PTPRD: variants seen among roughly 807,000 people sequenced by gnomAD.
PTPRD encodes protein tyrosine phosphatase receptor type D, also known as receptor-type tyrosine-protein phosphatase delta.
PTPRD carries 34 observed loss-of-function variants against 214.5 expected under a neutral mutation model. That is an observed-to-expected ratio of 0.16 (90% confidence interval 0.12 to 0.21). PTPRD has a LOEUF of 0.21. Among genes scored for constraint, PTPRD ranks in the 10% least tolerant of loss-of-function variants. The probability of loss-of-function intolerance (pLI) is 1.00; values close to 1 mark genes in which losing one functional copy is unlikely to be tolerated. For synonymous variants in PTPRD, 1,128 were observed against 845.7 expected (o/e 1.33, Z -5.79); for missense variants, 2,545 against 2,398.7 (o/e 1.06, Z -1.27).
chr9:8,811,075 A>C (rs1396130574), intron 11 of PTPRD, among the ~76,000 whole-genome samples: 3 of 152,226 alleles, frequency 2.0e-5, no homozygotes, highest in Non-Finnish European at 4.4e-5. Context: ...CTGTGAGTGA[A>C]ATCGAAGTTG....
At chr9:10,103,510 T>C (rs114244308) in intron 3 of PTPRD, among the ~76,000 whole-genome samples, 193 of 150,794 alleles carry the variant, frequency 1.3e-3, no homozygotes, top group African/African-American at 4.6e-3. Context: ...TGGAGCAAAA[T>C]GGAAACTACC....
intron 9 of PTPRD, among the ~76,000 whole-genome samples, chr9:9,192,464 G>C (rs1223626828): frequency 6.6e-6 from 1 of 152,070 alleles, no homozygotes; most frequent in African/African-American, 2.4e-5. Context: ...GTTTTTACAT[G>C]TTTGAAGTCA....
intron 13 of PTPRD, 69 bp from the exon 14 acceptor site, chr9:8,633,527 T>G: frequency 6.4e-7 from 1 of 1,550,596 alleles, no homozygotes; most frequent in Non-Finnish European, 8.8e-7. Flanking sequence ...AAGCTCTCAA[T>G]ACAGTGGTGG....
At chr9:8,328,490 T>C (rs1022371970) in intron 44 of PTPRD, among the ~76,000 whole-genome samples, 10 of 152,132 alleles carry the variant, frequency 6.6e-5, no homozygotes, top group Non-Finnish European at 1.0e-4. Context: ...TGATGATTCA[T>C]TGTGTGTCTT....
intron 2 of PTPRD, among the ~76,000 whole-genome samples, chr9:10,579,658 T>C (rs1244758261): frequency 6.6e-6 from 1 of 152,202 alleles, no homozygotes; most frequent in Admixed American, 6.5e-5. Context: ...GGTCAAATAA[T>C]AGTTCTAAGT....
chr9:8,349,047 TA>T (rs35636652), intron 39 of PTPRD, among the ~76,000 whole-genome samples: 39,826 of 150,844 alleles, frequency 0.26, 6,361 homozygotes, highest in Admixed American at 0.41. Flanking sequence ...ACAAAATTTA[TA>T]AAAAAAAAAA....
intron 2 of PTPRD, among the ~76,000 whole-genome samples, chr9:10,366,796 G>A (rs544777537): frequency 3.3e-5 from 5 of 152,094 alleles, no homozygotes; most frequent in South Asian, 2.1e-4. Flanking sequence ...ATACATACGT[G>A]CACTAAAAAA....
chr9:10,284,033 A>G (rs2095254203), intron 3 of PTPRD, among the ~76,000 whole-genome samples: 1 of 152,106 alleles, frequency 6.6e-6, no homozygotes, highest in South Asian at 2.1e-4. Flanking sequence ...TTGAAAAAGA[A>G]ATAATTTAGA....
intron 14 of PTPRD, among the ~76,000 whole-genome samples, chr9:8,584,399 G>A (rs1206520831): frequency 1.3e-5 from 2 of 151,472 alleles, no homozygotes; most frequent in Admixed American, 1.3e-4. Flanking sequence ...CCCTTAGATT[G>A]CCAATATGTG....
intron 4 of PTPRD, among the ~76,000 whole-genome samples, chr9:10,018,780 A>C (rs1219998105): frequency 6.6e-6 from 1 of 150,718 alleles, no homozygotes; most frequent in Non-Finnish European, 1.5e-5. Flanking sequence ...CGATCTCCTG[A>C]CCTCGTGATC....
At chr9:8,475,712 T>C (rs1046849379) in intron 30 of PTPRD, among the ~76,000 whole-genome samples, 2 of 152,198 alleles carry the variant, frequency 1.3e-5, no homozygotes, top group African/African-American at 4.8e-5. Flanking sequence ...GGTGTTATCA[T>C]TGACAATCTG....
chr9:9,992,766 C>T (rs1254011509), intron 4 of PTPRD, among the ~76,000 whole-genome samples: 2 of 151,140 alleles, frequency 1.3e-5, no homozygotes, highest in African/African-American at 4.9e-5. Context: ...CACATGGACA[C>T]AGGGTGGGGA....
chr9:8,959,698 G>T (rs1350665748), intron 11 of PTPRD, among the ~76,000 whole-genome samples: 4 of 152,002 alleles, frequency 2.6e-5, no homozygotes, highest in African/African-American at 9.7e-5. Context: ...AAGAATCATT[G>T]AGTATATCCT....
chr9:8,426,999 G>T (rs1368493747), intron 35 of PTPRD, among the ~76,000 whole-genome samples: 1 of 152,094 alleles, frequency 6.6e-6, no homozygotes, highest in South Asian at 2.1e-4. Flanking sequence ...CTGTGTCTTT[G>T]TGTTCTACTA....
chr9:8,448,246 T>C (rs1004490562), intron 34 of PTPRD, among the ~76,000 whole-genome samples: 4 of 152,162 alleles, frequency 2.6e-5, no homozygotes, highest in African/African-American at 9.7e-5. Context: ...GGGGATCACC[T>C]GATCCCGGGA....
At chr9:8,754,864 A>G (rs368401129) in intron 11 of PTPRD, among the ~76,000 whole-genome samples, 8 of 152,176 alleles carry the variant, frequency 5.3e-5, no homozygotes, top group South Asian at 4.1e-4. Context: ...TGTATTCTCT[A>G]TCCTTTTGGG....
chr9:8,379,217 AAAAT>A (rs2084196586), intron 37 of PTPRD, among the ~76,000 whole-genome samples: 1 of 152,204 alleles, frequency 6.6e-6, no homozygotes, highest in African/African-American at 2.4e-5. Context: ...GACCTTATGA[AAAAT>A]AAATATCCTA....
At position 9,441,906 on chromosome 9, in the gene PTPRD, G is replaced by A. The variant is rs145324037; in HGVS notation, c.-236-44424C>T. Among the ~76,000 whole-genome samples the A allele has an allele frequency of 9.2e-3, 1,405 of 152,324 alleles. 16 individuals are homozygous for A. The highest frequency in any genetic ancestry group is 0.032 in the African/African-American group (1,334 of 41,578). On this transcript the variant is annotated intron_variant, in intron 8 of 45. Coordinates refer to ENST00000381196, the MANE Select transcript of PTPRD (RefSeq NM_002839.4). ...TATGTGATATGGTATTTGAGCAATA[G>A]CAGGGGTGTTCTCCTTTGCTTGGGA...
chr9:9,660,316 A>C (rs1231043944), intron 7 of PTPRD, among the ~76,000 whole-genome samples: 2 of 151,980 alleles, frequency 1.3e-5, no homozygotes, highest in Non-Finnish European at 2.9e-5. Context: ...TCTGTGAAGA[A>C]TAGACTATAG....
Sources: gnomAD v4.1 joint callset for allele counts (sites outside exome capture counted in the v4.1 genomes callset) on GRCh38, gnomAD v4.1.1 for gene constraint, MANE v1.5 for transcripts, NCBI Gene and HGNC (gene_info 2026-07-23, HGNC 2026-07-21) for gene names.